The following AIG1 variants were observed in gnomAD, a reference collection of about 807,000 sequenced individuals.
AIG1 encodes the protein androgen-induced gene 1 protein.
Under a neutral mutation model 31.4 loss-of-function variants are expected in AIG1, and 23 were observed. The ratio of observed to expected loss-of-function variants is 0.73; its 90% CI spans 0.53 to 1.04. AIG1 has a LOEUF of 1.04. Ranked by LOEUF, AIG1 falls within the 50% of genes least tolerant of loss-of-function variation. AIG1 has a pLI of 0.00. For missense variants in AIG1, 274 were observed against 295.0 expected (o/e 0.93, Z 0.52); for synonymous variants, 100 against 110.5 (o/e 0.90, Z 0.60).
intron 1 of AIG1, among the ~76,000 whole-genome samples, chr6:143,084,507 C>T (rs1054266385): frequency 6.6e-6 from 1 of 152,164 alleles, no homozygotes; most frequent in Non-Finnish European, 1.5e-5. Context: ...ATTCCACCTG[C>T]TCCTCCTGAT....
intron 3 of AIG1, among the ~76,000 whole-genome samples, chr6:143,240,266 T>C (rs536398683): frequency 6.6e-6 from 1 of 152,302 alleles, no homozygotes; most frequent in Non-Finnish European, 1.5e-5. Flanking sequence ...GTATAGGTGG[T>C]GTAGTTTCAT....
At chr6:143,192,835 A>G (rs917851890) in intron 3 of AIG1, among the ~76,000 whole-genome samples, 3 of 152,332 alleles carry the variant, frequency 2.0e-5, no homozygotes, top group Middle Eastern at 3.4e-3. Flanking sequence ...TCAAGTCCAA[A>G]CAAATTTACA....
chr6:143,187,444 G>A, intron 3 of AIG1: 1 of 1,535,304 alleles, frequency 6.5e-7, no homozygotes, highest in Non-Finnish European at 8.7e-7. Flanking sequence ...AGTATGATCA[G>A]CTTGGTTGAA....
At chr6:143,165,898 C>A (rs772124670) in intron 3 of AIG1, among the ~76,000 whole-genome samples, 2 of 152,024 alleles carry the variant, frequency 1.3e-5, no homozygotes, top group Non-Finnish European at 2.9e-5. Flanking sequence ...TTTCATCTTC[C>A]CTTTCAGTTT....
intron 1 of AIG1, among the ~76,000 whole-genome samples, chr6:143,087,389 A>G (rs1038748576): frequency 3.9e-5 from 6 of 152,220 alleles, no homozygotes; most frequent in African/African-American, 1.2e-4. Flanking sequence ...GAAGAGAACC[A>G]TGGAACCCAG....
intron 3 of AIG1, among the ~76,000 whole-genome samples, chr6:143,202,265 A>G (rs757020459): frequency 1.3e-5 from 2 of 152,184 alleles, no homozygotes; most frequent in Non-Finnish European, 2.9e-5. Context: ...CCTGCCTTTT[A>G]AAATTCTAAC....
At chr6:143,311,859 A>G (rs1241761567) in intron 4 of AIG1, among the ~76,000 whole-genome samples, 2 of 152,238 alleles carry the variant, frequency 1.3e-5, no homozygotes, top group African/African-American at 2.4e-5. Context: ...CAAATTCAGT[A>G]AAGTTGCAGG....
At chr6:143,074,136 A>T (rs893370086) in intron 1 of AIG1, among the ~76,000 whole-genome samples, 1 of 152,182 alleles carries the variant, frequency 6.6e-6, no homozygotes, top group Non-Finnish European at 1.5e-5. Context: ...TGAATTTTAG[A>T]TGTTAAACCC....
chr6:143,226,385 G>A lies in AIG1; in HGVS notation c.400-57725G>A, dbSNP rs547466816. On this transcript the variant is annotated intron_variant, in intron 3 of 5. Transcript: ENST00000357847. Reference sequence around the variant, plus strand: ...CCTCCAAGTAGCTGCGACTACAGGCGTGCCCCACCGTGCCCAGCTAATTTT... The same window carrying A: ...CCTCCAAGTAGCTGCGACTACAGGCATGCCCCACCGTGCCCAGCTAATTTT... Among the ~76,000 whole-genome samples, 8 of 151,756 alleles carry A rather than the reference G, an allele frequency of 5.3e-5. No individual in the cohort carries two copies. The East Asian group carries it at 1.2e-3, about 22-fold the overall frequency.
At chr6:143,312,282 A>G (rs967336218) in intron 4 of AIG1, among the ~76,000 whole-genome samples, 5 of 152,008 alleles carry the variant, frequency 3.3e-5, no homozygotes, top group South Asian at 2.1e-4. Flanking sequence ...AGCAGAACTG[A>G]AACACTCACA....
chr6:143,171,429 A>AT (rs1787523157), intron 3 of AIG1, among the ~76,000 whole-genome samples: 2 of 103,536 alleles, frequency 1.9e-5, no homozygotes, highest in African/African-American at 8.2e-5. Context: ...TATAATATAT[A>AT]TAATATATAT....
chr6:143,342,276 T>C (rs992343116), downstream of AIG1: 6 of 686,118 alleles, frequency 8.7e-6, no homozygotes, highest in Non-Finnish European at 1.3e-5. Context: ...GCAGAGAGGC[T>C]GGGGCTGCGG....
chr6:143,276,602 C>T (rs1340334253), intron 3 of AIG1, among the ~76,000 whole-genome samples: 3 of 152,030 alleles, frequency 2.0e-5, no homozygotes, highest in East Asian at 1.9e-4. Context: ...CAGCACTGGG[C>T]GCTGGGGAGA....
At position 143,259,684 on chromosome 6, in the gene AIG1, C is replaced by T. The variant is rs924214602; in HGVS notation, c.400-24426C>T. On this transcript the variant is annotated intron_variant, in intron 3 of 5. Coordinates refer to ENST00000357847, the MANE Select transcript of AIG1 (RefSeq NM_016108.4). ...GCGTGCTCATAACCAAAATTGGGAA[C>T]GTACCCCCAAACTTAGTTCACTGCT... Among the ~76,000 whole-genome samples, 11 of 152,242 alleles carry T rather than the reference C, an allele frequency of 7.2e-5. No homozygotes were observed. The East Asian group carries it at 1.4e-3, about 19-fold the overall frequency.
At chr6:143,132,005 A>G (rs1284360739) in intron 1 of AIG1, among the ~76,000 whole-genome samples, 1 of 152,184 alleles carries the variant, frequency 6.6e-6, no homozygotes, top group East Asian at 1.9e-4. Context: ...CTAATATTAT[A>G]CAACTTTATG....
chr6:143,247,139 A>AT (rs34692750), intron 3 of AIG1, among the ~76,000 whole-genome samples: 53 of 150,208 alleles, frequency 3.5e-4, no homozygotes, highest in Admixed American at 1.5e-3. Context: ...GGTGTCCAAG[A>AT]TTTTTTTTTT....
intron 3 of AIG1, among the ~76,000 whole-genome samples, chr6:143,210,318 G>T (rs941533504): frequency 6.6e-6 from 1 of 152,308 alleles, no homozygotes; most frequent in East Asian, 1.9e-4. Flanking sequence ...TTTATTAGCA[G>T]CATGAGAATG....
intron 4 of AIG1, among the ~76,000 whole-genome samples, chr6:143,315,336 T>C (rs1048261242): frequency 6.6e-6 from 1 of 152,060 alleles, no homozygotes; most frequent in African/African-American, 2.4e-5. Context: ...CTAAAGTTTA[T>C]ATTGAAAGTC....
At chr6:143,218,441 A>G (rs1255381213) in intron 3 of AIG1, among the ~76,000 whole-genome samples, 1 of 152,038 alleles carries the variant, frequency 6.6e-6, no homozygotes, top group East Asian at 1.9e-4. Flanking sequence ...ATAAAATATC[A>G]TATGTTTCCC....
Sources: gnomAD v4.1 joint callset for allele counts (sites outside exome capture counted in the v4.1 genomes callset) on GRCh38, gnomAD v4.1.1 for gene constraint, MANE v1.5 for transcripts, NCBI Gene and HGNC (gene_info 2026-07-23, HGNC 2026-07-21) for gene names.